The following KDELR3 variants were observed in gnomAD, a reference collection of about 807,000 sequenced individuals.
KDELR3 encodes KDEL endoplasmic reticulum protein retention receptor 3, also known as ER lumen protein-retaining receptor 3.
A neutral mutation model predicts 22.7 loss-of-function variants in KDELR3; 26 were observed. That is an observed-to-expected ratio of 1.15 (90% CI 0.84 to 1.59). The LOEUF is 1.59. Ranked by LOEUF, KDELR3 falls within the 40% of genes most tolerant of loss-of-function variation. The pLI, the probability that KDELR3 is intolerant of heterozygous loss-of-function variation, is 0.00. For synonymous variants in KDELR3, 120 were observed against 98.2 expected (o/e 1.22, Z -1.31); for missense variants, 289 against 251.1 (o/e 1.15, Z -1.02).
intron 2 of KDELR3, 34 bp from the exon 3 acceptor site, chr22:38,479,559 T>C (rs1346262029): frequency 6.3e-7 from 1 of 1,596,144 alleles, no homozygotes; most frequent in Non-Finnish European, 8.6e-7. Context: ...AATGACTTCA[T>C]AGATTCGATT....
intron 3 of KDELR3, 48 bp downstream of exon 3, chr22:38,479,799 T>C (rs2145969758): frequency 6.4e-7 from 1 of 1,567,316 alleles, no homozygotes; most frequent in Non-Finnish European, 8.8e-7. Context: ...ATATGCTCCC[T>C]GCATCCTTCC....
chr22:38,475,888 C>T (rs1356112057), intron 2 of KDELR3, among the ~76,000 whole-genome samples: 1 of 152,094 alleles, frequency 6.6e-6, no homozygotes, highest in Non-Finnish European at 1.5e-5. Context: ...CCCACCTCGA[C>T]CTCCCAAAGT....
intron 1 of KDELR3, among the ~76,000 whole-genome samples, chr22:38,469,821 T>C (rs1300405845): frequency 6.6e-6 from 1 of 152,198 alleles, no homozygotes; most frequent in Admixed American, 6.5e-5. Context: ...CTTTTATTTA[T>C]TTTTTATTTT....
intron 1 of KDELR3, among the ~76,000 whole-genome samples, chr22:38,469,087 G>A (rs1179605163): frequency 6.6e-6 from 1 of 152,258 alleles, no homozygotes; most frequent in Admixed American, 6.5e-5. Flanking sequence ...GTGGGGCTGA[G>A]GAGGCTGAGA....
At position 38,479,725 on chromosome 22, in the gene KDELR3, GA is replaced by G. The variant is rs1569133384; in HGVS notation, c.329del (p.Asn110ThrfsTer28). On this transcript the variant is annotated frameshift_variant, in exon 3 of 5. Coordinates refer to ENST00000216014, the MANE Select transcript of KDELR3 (RefSeq NM_006855.4). LOFTEE classifies it high-confidence loss of function. ...CCCAGTCATTGGCCTTTCCTTCCTTGAAAACTACAGTTTCACTCTGCTGGAG... is the reference window on the plus strand; with the variant it reads ...CCCAGTCATTGGCCTTTCCTTCCTTGAAACTACAGTTTCACTCTGCTGGAG... Reference protein sequence around the residue: ...LVPVIGLSFLENYSFTLLEIL... With the variant: ...LVPVIGLSFLXNYSFTLLEIL... 1.2e-6 allele frequency: 2 copies of G among 1,614,138 alleles called. No individual in the cohort carries two copies.
At chr22:38,472,944 G>A (rs1295706007) in intron 1 of KDELR3, among the ~76,000 whole-genome samples, 1 of 151,998 alleles carries the variant, frequency 6.6e-6, no homozygotes, top group Non-Finnish European at 1.5e-5. Flanking sequence ...CAGGTGATCT[G>A]CCCGCCTCGG....
rs377189843 is a variant in KDELR3, at chr22:38,482,614, A to G, written c.*78A>G. 51 of 1,277,924 alleles carry G rather than the reference A, an allele frequency of 4.0e-5. No individual in the cohort carries two copies. The Middle Eastern group carries it at 5.6e-4, about 14-fold the overall frequency. The allele number at this position is 1,277,924 out of a possible 1,614,324, so 79.2% of individuals were successfully genotyped here. A position where few individuals can be genotyped will look rare whatever the true frequency, so the allele number is the denominator to read the frequency against. ...GAATGTTCTCTTTGGCAACTTATCC[A>G]TAATTTGGGATCAAATGTTAAAACC... is the stretch of plus-strand genomic sequence containing the variant. On this transcript the variant is annotated 3_prime_UTR_variant, in exon 5 of 5. Coordinates refer to ENST00000216014, the MANE Select transcript of KDELR3 (RefSeq NM_006855.4).
At chr22:38,481,578 C>A in intron 4 of KDELR3, 114 bp downstream of exon 4, 8 of 1,548,570 alleles carry the variant, frequency 5.2e-6, no homozygotes, top group Admixed American at 2.0e-5. Context: ...ATCCACAATG[C>A]TTGTGTTCTA....
chr22:38,478,605 G>A (rs1271961716), intron 2 of KDELR3, among the ~76,000 whole-genome samples: 2 of 138,542 alleles, frequency 1.4e-5, no homozygotes, highest in Non-Finnish European at 3.1e-5. Flanking sequence ...AGCTCTTGGG[G>A]CAAGGGAAGA....
intron 4 of KDELR3, 22 bp from the exon 5 acceptor site, chr22:38,482,474 T>C (rs1366156707): frequency 6.3e-7 from 1 of 1,599,234 alleles, no homozygotes. Context: ...TAAATTCTTA[T>C]TTCATCTCCA....
At chr22:38,472,168 T>C (rs1166114288) in intron 1 of KDELR3, among the ~76,000 whole-genome samples, 1 of 151,898 alleles carries the variant, frequency 6.6e-6, no homozygotes, top group Non-Finnish European at 1.5e-5. Flanking sequence ...ATATATACTG[T>C]TTCTTCCATC....
At chr22:38,480,903 C>T (rs2089594747) in intron 3 of KDELR3, among the ~76,000 whole-genome samples, 2 of 151,514 alleles carry the variant, frequency 1.3e-5, no homozygotes, top group African/African-American at 4.9e-5. Context: ...TGCACTCCAG[C>T]CTGGGTGACA....
intron 2 of KDELR3, among the ~76,000 whole-genome samples, chr22:38,477,282 C>T (rs941613046): frequency 6.6e-6 from 1 of 151,524 alleles, no homozygotes; most frequent in African/African-American, 2.4e-5. Context: ...CGGCTCATTG[C>T]AACCTCCGCC....
intron 1 of KDELR3, among the ~76,000 whole-genome samples, chr22:38,472,279 C>T (rs2089530122): frequency 6.6e-6 from 1 of 152,102 alleles, no homozygotes; most frequent in African/African-American, 2.4e-5. Flanking sequence ...GAGTTCGAGA[C>T]CAGCCTGGCC....
intron 2 of KDELR3, among the ~76,000 whole-genome samples, chr22:38,478,285 C>T (rs920444741): frequency 2.0e-5 from 3 of 151,954 alleles, no homozygotes; most frequent in African/African-American, 4.8e-5. Flanking sequence ...GTGGCTCATG[C>T]CTATAATCCC....
rs190786081 is a variant in KDELR3 at position 38,469,007 on chromosome 22, G to A, written c.91+683G>A. Among the ~76,000 whole-genome samples the A allele has an allele frequency of 2.0e-3, 303 of 152,374 alleles. 1 individual carries two copies. The highest frequency in any genetic ancestry group is 7.0e-3 in the African/African-American group (293 of 41,584). On this transcript the variant is annotated intron_variant, in intron 1 of 4. Transcript: ENST00000216014. Reference sequence around the variant, plus strand: ...CCTCCTCCAGCCATCTTTGTCCACCGGCATCCTCGTGGTGCCCTCCCTGTG... The same window carrying A: ...CCTCCTCCAGCCATCTTTGTCCACCAGCATCCTCGTGGTGCCCTCCCTGTG...
At chr22:38,468,350 C>T (rs768360401) in intron 1 of KDELR3, 26 bp downstream of exon 1, 4 of 1,603,818 alleles carry the variant, frequency 2.5e-6, no homozygotes, top group East Asian at 2.2e-5. Flanking sequence ...CAGGGAGGTG[C>T]GGGACCCCCT....
Position 38,482,710 on chromosome 22 carries a change from C to A in KDELR3, c.*174C>A. 1 of 621,512 alleles carries A rather than the reference C, an allele frequency of 1.6e-6. No individual in the cohort carries two copies. The highest frequency in any genetic ancestry group is 2.8e-6 in the Non-Finnish European group (1 of 353,286). The allele number at this position is 621,512 out of a possible 1,614,324, so 38.5% of individuals were successfully genotyped here. A position where few individuals can be genotyped will look rare whatever the true frequency, so the allele number is the denominator to read the frequency against. On this transcript the variant is annotated 3_prime_UTR_variant, in exon 5 of 5. Transcript: ENST00000216014. ...CCAGAAGACCTTCTCATCAATAGAT[C>A]GCCCTTAAAGACCCATTGTAAGGTC...
In KDELR3 at chr22:38,483,060, A is replaced by T. The variant is rs2089617131; in HGVS notation, c.*524A>T. ...ACTTTCACACTGCCTTCAGGCCAGA[A>T]GCAAACCAAATTTACCAGGTTTGGC... On this transcript the variant is annotated 3_prime_UTR_variant, in exon 5 of 5. Transcript: ENST00000216014. 6.5e-6 allele frequency: 1 copy of T among 153,102 alleles called. No homozygotes were observed. Among genetic ancestry groups the T allele is most frequent in the Non-Finnish European group, 1.5e-5 (1 of 68,676 alleles). 9.5% of individuals were successfully genotyped at this position (153,102 alleles called of 1,614,324 possible). A position where few individuals can be genotyped will look rare whatever the true frequency, so the allele number is the denominator to read the frequency against.
Sources: allele counts gnomAD v4.1 joint callset (sites outside exome capture counted in the v4.1 genomes callset), GRCh38; gene constraint gnomAD v4.1.1; transcripts MANE v1.5; gene names NCBI Gene and HGNC (gene_info 2026-07-23, HGNC 2026-07-21).